The following MAGI2 variants were observed in gnomAD, a reference collection of about 807,000 sequenced individuals.
MAGI2 encodes membrane-associated guanylate kinase, WW and PDZ domain-containing protein 2.
A neutral mutation model predicts 133.3 loss-of-function variants in MAGI2; 35 were observed. That is an observed-to-expected ratio of 0.26 (90% CI 0.20 to 0.35). The LOEUF (loss-of-function observed/expected upper bound fraction) is 0.35. Ranked by LOEUF, MAGI2 falls within the 10% of genes least tolerant of loss-of-function variation. MAGI2 has a pLI of 1.00. For synonymous variants in MAGI2, 729 were observed against 710.6 expected (o/e 1.03, Z -0.41); for missense variants, 1,636 against 1,863.4 (o/e 0.88, Z 2.25).
chr7:78,676,610 C>G (rs1438016443), intron 2 of MAGI2, among the ~76,000 whole-genome samples: 1 of 152,046 alleles, frequency 6.6e-6, no homozygotes, highest in African/African-American at 2.4e-5. Context: ...TCAGCTCAAT[C>G]CAGTGTCACA....
chr7:78,884,999 A>T (rs1180453930), intron 2 of MAGI2, among the ~76,000 whole-genome samples: 4 of 152,172 alleles, frequency 2.6e-5, no homozygotes, highest in Admixed American at 1.3e-4. Context: ...AATCAGGTCC[A>T]TTTGCAGCAA....
chr7:78,568,936 T>TTC (rs950269203), intron 3 of MAGI2, among the ~76,000 whole-genome samples: 1 of 152,180 alleles, frequency 6.6e-6, no homozygotes, highest in Non-Finnish European at 1.5e-5. Flanking sequence ...TCCTTGACCG[T>TTC]TCTGCACATG....
chr7:78,456,564 T>G (rs935631272), intron 6 of MAGI2, among the ~76,000 whole-genome samples: 3 of 152,210 alleles, frequency 2.0e-5, no homozygotes, highest in Non-Finnish European at 2.9e-5. Flanking sequence ...TAATCAATAC[T>G]CCATAAACAT....
intron 2 of MAGI2, among the ~76,000 whole-genome samples, chr7:78,639,261 G>A (rs975215973): frequency 3.3e-5 from 5 of 152,076 alleles, no homozygotes; most frequent in Non-Finnish European, 7.4e-5. Context: ...AAAGAAAGAG[G>A]GCAGTTAACT....
At chr7:78,918,235 A>G (rs536798906) in intron 2 of MAGI2, among the ~76,000 whole-genome samples, 2 of 152,216 alleles carry the variant, frequency 1.3e-5, no homozygotes, top group South Asian at 2.1e-4. Context: ...CAAAGACTAG[A>G]TATCTATTTC....
chr7:78,442,793 C>A lies in MAGI2; in HGVS notation c.1045+46968G>T, dbSNP rs181364150. ...TATTTAGCATAACTGAGCATTAAAA[C>A]TATTTGATTTGGTATTCACTGTTTT... On this transcript the variant is annotated intron_variant, in intron 6 of 21. Transcript: ENST00000354212. Among the ~76,000 whole-genome samples the A allele has an allele frequency of 4.4e-3, 669 of 152,210 alleles. 2 individuals are homozygous for A. The highest frequency in any genetic ancestry group is 7.2e-3 in the Non-Finnish European group (487 of 67,998).
chr7:78,504,464 C>T (rs146416987), intron 4 of MAGI2, among the ~76,000 whole-genome samples: 78 of 152,024 alleles, frequency 5.1e-4, no homozygotes, highest in African/African-American at 1.8e-3. Flanking sequence ...AAAGAAATAC[C>T]GTTAGGGTAA....
chr7:78,491,976 T>C (rs1256645927), intron 5 of MAGI2, among the ~76,000 whole-genome samples: 2 of 151,502 alleles, frequency 1.3e-5, no homozygotes, highest in African/African-American at 4.8e-5. Flanking sequence ...GCAAGGAAAA[T>C]ACATTTCTCT....
At chr7:78,846,142 C>T (rs1271750407) in intron 2 of MAGI2, among the ~76,000 whole-genome samples, 2 of 151,626 alleles carry the variant, frequency 1.3e-5, no homozygotes, top group African/African-American at 4.8e-5. Context: ...ATTTGTCATG[C>T]TATGCCCCAG....
At chr7:78,992,150 C>T (rs939529074) in intron 2 of MAGI2, among the ~76,000 whole-genome samples, 1 of 152,010 alleles carries the variant, frequency 6.6e-6, no homozygotes, top group African/African-American at 2.4e-5. Context: ...TTCTCAAAGT[C>T]TTGAGGCTGG....
chr7:78,806,866 TCAAAA>T (rs1788621415), intron 2 of MAGI2, among the ~76,000 whole-genome samples: 1 of 103,060 alleles, frequency 9.7e-6, no homozygotes, highest in East Asian at 2.5e-4. Context: ...ACACCCTGTC[TCAAAA>T]TAAAATAAAA....
At chr7:78,602,364 T>C (rs1805297943) in intron 3 of MAGI2, among the ~76,000 whole-genome samples, 1 of 152,176 alleles carries the variant, frequency 6.6e-6, no homozygotes, top group Admixed American at 6.5e-5. Flanking sequence ...TTCACCACGT[T>C]GGCCAAGCTG....
At chr7:79,083,400 T>A (rs192739352) in intron 1 of MAGI2, among the ~76,000 whole-genome samples, 2 of 151,652 alleles carry the variant, frequency 1.3e-5, no homozygotes, top group East Asian at 3.9e-4. Context: ...TGGTGTTAGA[T>A]TTTGTGCAAT....
At chr7:78,796,892 T>C (rs973164078) in intron 2 of MAGI2, among the ~76,000 whole-genome samples, 3 of 152,096 alleles carry the variant, frequency 2.0e-5, no homozygotes, top group South Asian at 2.1e-4. Context: ...AAGACAAATA[T>C]TGCATGTTCT....
intron 1 of MAGI2, among the ~76,000 whole-genome samples, chr7:79,250,967 G>T (rs1833205544): frequency 6.6e-6 from 1 of 152,100 alleles, no homozygotes; most frequent in Non-Finnish European, 1.5e-5. Flanking sequence ...CAACAGAATT[G>T]CCAAGAAAGT....
rs552096729 is a variant in MAGI2, at chr7:78,986,252, A to G, written c.418+20838T>C. On this transcript the variant is annotated intron_variant, in intron 2 of 21. Transcript: ENST00000354212. Reference sequence around the variant, plus strand: ...TGATCCTTATTCTGAATACGGGAAAAATGATGTAGAAAGGCTAAATTGTTT... The same window carrying G: ...TGATCCTTATTCTGAATACGGGAAAGATGATGTAGAAAGGCTAAATTGTTT... Among the ~76,000 whole-genome samples the G allele has an allele frequency of 5.8e-4, 89 of 152,210 alleles. 1 individual carries two copies. The highest frequency in any genetic ancestry group is 1.0e-3 in the Non-Finnish European group (69 of 67,984).
intron 1 of MAGI2, among the ~76,000 whole-genome samples, chr7:79,383,615 G>A (rs1843962879): frequency 6.6e-6 from 1 of 151,234 alleles, no homozygotes; most frequent in African/African-American, 2.4e-5. Context: ...ATTCAAAATT[G>A]TATTTATTAA....
rs144291741 is a variant in MAGI2 at position 79,337,017 on chromosome 7, CTG to C, written c.301+116001_301+116002del. ...TGTCACAGAAAAAAAAAAACTAACT[CTG>C]TGAGATGATAGATATATTAATTTGC... On this transcript the variant is annotated intron_variant, in intron 1 of 21. Transcript: ENST00000354212. 7.7e-3 allele frequency among the ~76,000 whole-genome samples: 1,161 copies of C among 151,444 alleles called. 11 individuals are homozygous for C. The highest frequency in any genetic ancestry group is 0.027 in the African/African-American group (1,119 of 41,270).
At position 78,125,735 on chromosome 7, in the gene MAGI2, G is replaced by C; in HGVS notation, c.3526C>G (p.Leu1176Val). ...CTTATTGCTGGTCCATCTTCTGCCA[G>C]TCTCAACACATACAAATCCATTTTG... The part of the protein sequence containing the change: ...EYKMDLYVLR[L>V]AEDGPAIRNG... The change falls in exon 20 of 22, where the codon CTG (leucine) becomes GTG (valine). Residue 1176 changes from leucine to valine, a missense_variant. Transcript: ENST00000354212. 1 of 1,614,108 alleles carries C rather than the reference G, an allele frequency of 6.2e-7. No homozygotes were observed. Among genetic ancestry groups the C allele is most frequent in the Non-Finnish European group, 8.5e-7 (1 of 1,179,948 alleles).
Sources: gnomAD v4.1 joint callset for allele counts (sites outside exome capture counted in the v4.1 genomes callset) on GRCh38, gnomAD v4.1.1 for gene constraint, MANE v1.5 for transcripts, NCBI Gene and HGNC (gene_info 2026-07-23, HGNC 2026-07-21) for gene names.